The following NXPE4 variants were observed in gnomAD, a reference collection of about 807,000 sequenced individuals.
NXPE4 encodes neurexophilin and PC-esterase domain family member 4.
A neutral mutation model predicts 33.3 loss-of-function variants in NXPE4; 42 were observed. That is an observed-to-expected ratio of 1.26 (90% CI 0.98 to 1.63). The LOEUF is 1.63. NXPE4 is among the 40% of genes most tolerant of loss of function. The probability of loss-of-function intolerance (pLI) is 0.00; values close to 1 mark genes in which losing one functional copy is unlikely to be tolerated. For synonymous variants in NXPE4, 253 were observed against 234.9 expected, an observed-to-expected ratio of 1.08 and a Z score of -0.71; for missense variants, 709 against 647.6, an observed-to-expected ratio of 1.09 and a Z score of -1.03.
chr11:114,665,399 C>T, the NXPE4 span, among the ~76,000 whole-genome samples: 1 of 152,122 alleles, frequency 6.6e-6, no homozygotes, highest in African/African-American at 2.4e-5. Context: ...ATTCTGTGAA[C>T]ATAGCACAAC....
At chr11:114,619,164 C>A in the NXPE4 span, among the ~76,000 whole-genome samples, 2 of 151,430 alleles carry the variant, frequency 1.3e-5, no homozygotes, top group African/African-American at 4.9e-5. Context: ...ATAAGTATTG[C>A]CTCTAGGGTT....
At chr11:114,620,402 T>C in the NXPE4 span, among the ~76,000 whole-genome samples, 1 of 149,542 alleles carries the variant, frequency 6.7e-6, no homozygotes. Context: ...CTGTTACCCA[T>C]TGGATAATAA....
At chr11:114,634,311 TTTG>T in the NXPE4 span, among the ~76,000 whole-genome samples, 1 of 152,092 alleles carries the variant, frequency 6.6e-6, no homozygotes, top group Admixed American at 6.6e-5. Flanking sequence ...GATAGAGTTG[TTTG>T]TTATTTTCTT....
At chr11:114,633,402 A>G in the NXPE4 span, among the ~76,000 whole-genome samples, 8 of 144,862 alleles carry the variant, frequency 5.5e-5, no homozygotes, top group African/African-American at 2.0e-4. Context: ...ATTATATATT[A>G]TATTTTATTA....
intron 2 of NXPE4, among the ~76,000 whole-genome samples, chr11:114,587,690 G>A (rs1458688069): frequency 6.6e-6 from 1 of 152,172 alleles, no homozygotes; most frequent in Non-Finnish European, 1.5e-5. Flanking sequence ...TGCCCCCACT[G>A]TCTTCCCCTC....
At chr11:114,601,913 AT>A in the NXPE4 span, among the ~76,000 whole-genome samples, 100 of 39,068 alleles carry the variant, frequency 2.6e-3, 1 homozygote, top group South Asian at 0.01. Context: ...ATATTATATA[AT>A]TATATATAAT....
At chr11:114,674,619 G>A in the NXPE4 span, among the ~76,000 whole-genome samples, 40 of 151,086 alleles carry the variant, frequency 2.6e-4, no homozygotes, top group Admixed American at 6.6e-4. Flanking sequence ...AAGAGAGAAA[G>A]AACGACACAA....
the NXPE4 span, among the ~76,000 whole-genome samples, chr11:114,623,284 G>A: frequency 6.6e-6 from 1 of 151,992 alleles, no homozygotes; most frequent in East Asian, 1.9e-4. Context: ...GGTGACAACT[G>A]TTACCCAGTG....
chr11:114,574,253 A>G (rs1312645890), intron 5 of NXPE4, among the ~76,000 whole-genome samples: 8 of 152,076 alleles, frequency 5.3e-5, no homozygotes, highest in African/African-American at 1.9e-4. Context: ...GCCTACATAA[A>G]AGTCTGAGAG....
chr11:114,601,943 TA>T, the NXPE4 span, among the ~76,000 whole-genome samples: 13 of 83,280 alleles, frequency 1.6e-4, no homozygotes, highest in Admixed American at 9.2e-4. Context: ...ATATATTATA[TA>T]ATTATATATA....
chr11:114,642,996 A>T, the NXPE4 span, among the ~76,000 whole-genome samples: 2 of 152,094 alleles, frequency 1.3e-5, no homozygotes, highest in Non-Finnish European at 2.9e-5. Flanking sequence ...TTTGATTTGC[A>T]TTTCTCTAAT....
chr11:114,633,105 T>A, the NXPE4 span, among the ~76,000 whole-genome samples: 1 of 122,024 alleles, frequency 8.2e-6, no homozygotes, highest in African/African-American at 3.3e-5. Context: ...TTATATATTT[T>A]ACATTATATT....
the NXPE4 span, among the ~76,000 whole-genome samples, chr11:114,617,527 C>T: frequency 2.0e-5 from 3 of 152,116 alleles, no homozygotes; most frequent in African/African-American, 7.2e-5. Context: ...TACGTGTTGC[C>T]TCGTGGCTAA....
chr11:114,639,734 TA>T, the NXPE4 span, among the ~76,000 whole-genome samples: 1 of 100,376 alleles, frequency 1.0e-5, no homozygotes, highest in Non-Finnish European at 2.1e-5. Flanking sequence ...TAATATAATA[TA>T]AAATAATATA....
rs796703097 is a variant in NXPE4, at chr11:114,586,405, CCTT to C, written c.97-3387_97-3385del. Among the ~76,000 whole-genome samples, 169 of 152,254 alleles carry C rather than the reference CCTT, an allele frequency of 1.1e-3. 1 individual carries two copies. The highest frequency in any genetic ancestry group is 3.7e-3 in the African/African-American group (153 of 41,530). On this transcript the variant is annotated intron_variant, in intron 2 of 5. Transcript: ENST00000375478. ...GGGAGTATAGAAGTGGACCCCAACTCCTTCTTTTTATTTCAAGGCCTTCTGCTC... is the reference window on the plus strand; with the variant it reads ...GGGAGTATAGAAGTGGACCCCAACTCCTTTTTATTTCAAGGCCTTCTGCTC...
the NXPE4 span, among the ~76,000 whole-genome samples, chr11:114,627,066 G>T: frequency 6.6e-6 from 1 of 152,040 alleles, no homozygotes; most frequent in Non-Finnish European, 1.5e-5. Flanking sequence ...AAGTGACGGG[G>T]TGAATGGAAC....
chr11:114,651,291 G>A, the NXPE4 span, among the ~76,000 whole-genome samples: 19 of 151,924 alleles, frequency 1.3e-4, no homozygotes, highest in South Asian at 1.0e-3. Flanking sequence ...TCGTGGTCTC[G>A]CTGACTTTAG....
chr11:114,627,810 A>G, the NXPE4 span, among the ~76,000 whole-genome samples: 1 of 151,872 alleles, frequency 6.6e-6, no homozygotes, highest in Non-Finnish European at 1.5e-5. Flanking sequence ...GCTCAAAATA[A>G]AAGGATGGAG....
At chr11:114,673,443 C>A in the NXPE4 span, among the ~76,000 whole-genome samples, 111 of 151,204 alleles carry the variant, frequency 7.3e-4, no homozygotes, top group African/African-American at 2.6e-3. Context: ...GCAAACTAAG[C>A]ATAAAGCAAG....
Sources: gnomAD v4.1 joint callset for allele counts (sites outside exome capture counted in the v4.1 genomes callset) on GRCh38, gnomAD v4.1.1 for gene constraint, MANE v1.5 for transcripts, NCBI Gene and HGNC (gene_info 2026-07-23, HGNC 2026-07-21) for gene names.